The following NAA15 variants were observed in gnomAD, a reference collection of about 807,000 sequenced individuals.
The protein encoded by NAA15 is N-alpha-acetyltransferase 15, NatA auxiliary subunit, also known as N-terminal acetyltransferase.
A neutral mutation model predicts 114.0 loss-of-function variants in NAA15; 34 were observed. That is an observed-to-expected ratio of 0.30 (90% CI 0.23 to 0.40). The LOEUF is 0.40. Among genes scored for constraint, NAA15 ranks in the 10% least tolerant of loss-of-function variants. The pLI is 1.00. For synonymous variants in NAA15, 340 were observed against 338.0 expected, an observed-to-expected ratio of 1.01 and a Z score of -0.06; for missense variants, 658 against 1,004.5, an observed-to-expected ratio of 0.66 and a Z score of 4.66.
At chr4:139,371,517 A>G (rs1254329227) in intron 15 of NAA15, among the ~76,000 whole-genome samples, 1 of 149,284 alleles carries the variant, frequency 6.7e-6, no homozygotes, top group African/African-American at 2.5e-5. Context: ...ACACACACAC[A>G]CACACACACA....
chr4:139,380,206 A>C (rs1049573722), intron 17 of NAA15, among the ~76,000 whole-genome samples: 1 of 151,768 alleles, frequency 6.6e-6, no homozygotes, highest in Non-Finnish European at 1.5e-5. Flanking sequence ...ATATTGTAGA[A>C]AGTAAAGGAG....
chr4:139,303,195 TG>T (rs1451624628), intron 1 of NAA15, among the ~76,000 whole-genome samples: 1 of 152,224 alleles, frequency 6.6e-6, no homozygotes, highest in East Asian at 1.9e-4. Context: ...AAATTCTTAC[TG>T]GAATTTTGTT....
In NAA15 at chr4:139,385,019, C is replaced by G. The variant is rs373699126; in HGVS notation, c.2302+41C>G. The G allele has an allele frequency of 5.0e-6, 7 of 1,408,776 alleles. No individual in the cohort carries two copies. The East Asian group carries it at 1.5e-4, about 30-fold the overall frequency. 87.3% of individuals were successfully genotyped at this position (1,408,776 alleles called of 1,614,324 possible). A position where few individuals can be genotyped will look rare whatever the true frequency, so the allele number is the denominator to read the frequency against. Reference sequence around the variant, plus strand: ...TATCCTTAGCCTTCTAAAACAACTTCAGTAATTTTAATGAATCAACAATAA... The same window carrying G: ...TATCCTTAGCCTTCTAAAACAACTTGAGTAATTTTAATGAATCAACAATAA... On this transcript the variant is annotated intron_variant, in intron 18 of 19. Transcript: ENST00000296543.
intron 1 of NAA15, among the ~76,000 whole-genome samples, chr4:139,325,255 A>C (rs1258051793): frequency 6.6e-6 from 1 of 152,162 alleles, no homozygotes; most frequent in Non-Finnish European, 1.5e-5. Context: ...GTAACAGTTG[A>C]ATTTGTTGAT....
chr4:139,382,939 T>TG (rs1405327072), intron 17 of NAA15, among the ~76,000 whole-genome samples: 25 of 152,324 alleles, frequency 1.6e-4, no homozygotes, highest in African/African-American at 5.8e-4. Flanking sequence ...AGCAGGATAG[T>TG]GGGTCATTAC....
At chr4:139,357,306 A>T (rs568285973) in intron 10 of NAA15, 80 bp from the exon 11 acceptor site, 9 of 1,205,808 alleles carry the variant, frequency 7.5e-6, no homozygotes, top group Middle Eastern at 1.9e-4. Flanking sequence ...TCCCTTGTTA[A>T]TAAACATAGG....
rs559959826 is a variant in NAA15, at chr4:139,390,064, A to G, written c.*1980A>G. 4.6e-5 allele frequency: 7 copies of G among 152,768 alleles called. No individual in the cohort carries two copies. In the South Asian group the frequency reaches 1.4e-3, roughly 32 times the overall value. 9.5% of individuals were successfully genotyped at this position (152,768 alleles called of 1,614,324 possible). A position where few individuals can be genotyped will look rare whatever the true frequency, so the allele number is the denominator to read the frequency against. On this transcript the variant is annotated 3_prime_UTR_variant, in exon 20 of 20. Coordinates refer to ENST00000296543, the MANE Select transcript of NAA15 (RefSeq NM_057175.5). Reference sequence around the variant, plus strand: ...GAGGTGTTTGGAGGAGGTACCAGCCATATAATAGGGGGTGTATGTGTGAAT... The same window carrying G: ...GAGGTGTTTGGAGGAGGTACCAGCCGTATAATAGGGGGTGTATGTGTGAAT...
chr4:139,354,144 A>G, intron 10 of NAA15, 46 bp downstream of exon 10: 1 of 1,445,748 alleles, frequency 6.9e-7, no homozygotes, highest in Non-Finnish European at 9.7e-7. Flanking sequence ...GAAAATTTTA[A>G]TACATTGTGA....
At chr4:139,371,497 G>GCACGCGCACACA (rs1553998024) in intron 15 of NAA15, among the ~76,000 whole-genome samples, 1 of 113,664 alleles carries the variant, frequency 8.8e-6, no homozygotes, top group East Asian at 2.8e-4. Flanking sequence ...AAGAAAAGTA[G>GCACGCGCACACA]CACACACACA....
At position 139,343,022 on chromosome 4, in the gene NAA15, A is replaced by G. The variant is rs543329825; in HGVS notation, c.537+62A>G. On this transcript the variant is annotated intron_variant, in intron 5 of 19. Coordinates refer to ENST00000296543, the MANE Select transcript of NAA15 (RefSeq NM_057175.5). ...AAGTATAACTAAAAAAATAATGTGCATAGTCTGGCTTACTTTTAATTTTGA... is the reference window on the plus strand; with the variant it reads ...AAGTATAACTAAAAAAATAATGTGCGTAGTCTGGCTTACTTTTAATTTTGA... The G allele has an allele frequency of 3.6e-4, 522 of 1,431,668 alleles. 2 individuals are homozygous for G. Among genetic ancestry groups the G allele is most frequent in the Admixed American group, 4.3e-4 (21 of 49,150 alleles). The allele number at this position is 1,431,668 out of a possible 1,614,324, so 88.7% of individuals were successfully genotyped here.
At chr4:139,315,104 C>T (rs761700843) in intron 1 of NAA15, among the ~76,000 whole-genome samples, 39 of 142,376 alleles carry the variant, frequency 2.7e-4, no homozygotes, top group Non-Finnish European at 4.3e-4. Context: ...GCTCTTTCAC[C>T]CAGGCTGGAG....
intron 15 of NAA15, among the ~76,000 whole-genome samples, chr4:139,371,065 AGAC>A (rs1472344741): frequency 2.6e-5 from 4 of 152,210 alleles, no homozygotes; most frequent in African/African-American, 9.6e-5. Context: ...TTTTGACCCT[AGAC>A]ATCTTCCTGC....
At chr4:139,333,857 G>A (rs140503231) in intron 1 of NAA15, among the ~76,000 whole-genome samples, 3 of 152,048 alleles carry the variant, frequency 2.0e-5, no homozygotes, top group African/African-American at 7.2e-5. Flanking sequence ...CTGTCATCAC[G>A]CCACTGTGCC....
At chr4:139,347,959 G>A (rs1747642382) in intron 6 of NAA15, among the ~76,000 whole-genome samples, 2 of 149,996 alleles carry the variant, frequency 1.3e-5, no homozygotes, top group Admixed American at 6.6e-5. Flanking sequence ...GTGAACCCGG[G>A]AAGCGGAGCT....
intron 1 of NAA15, among the ~76,000 whole-genome samples, chr4:139,324,102 T>C (rs1292993516): frequency 6.6e-6 from 1 of 152,148 alleles, no homozygotes; most frequent in Non-Finnish European, 1.5e-5. Flanking sequence ...CAGGGTTGTC[T>C]GGAACTCCTG....
chr4:139,318,809 G>A (rs1746500832), intron 1 of NAA15, among the ~76,000 whole-genome samples: 1 of 151,348 alleles, frequency 6.6e-6, no homozygotes, highest in Admixed American at 6.6e-5. Context: ...AGCCAAGATC[G>A]CGCCACTGTA....
chr4:139,331,819 C>A (rs1349937961), intron 1 of NAA15, among the ~76,000 whole-genome samples: 2 of 151,948 alleles, frequency 1.3e-5, no homozygotes, highest in Non-Finnish European at 2.9e-5. Flanking sequence ...TATAACTATG[C>A]ATATATTGTT....
chr4:139,362,113 A>G (rs1243685786), intron 14 of NAA15, among the ~76,000 whole-genome samples, 176 bp downstream of exon 14: 1 of 152,242 alleles, frequency 6.6e-6, no homozygotes, highest in Non-Finnish European at 1.5e-5. Flanking sequence ...AAGTTAAACA[A>G]GAATTTAATT....
Position 139,336,880 on chromosome 4 carries a change from T to G in NAA15, c.172T>G (p.Cys58Gly). Residue 58 changes from cysteine (C) to glycine (G), a missense_variant, in exon 3 of 20, where the codon TGT (cysteine) becomes GGT (glycine). This residue lies in a region of NAA15 where 75 missense variants were observed against 172.3 expected (regional missense o/e 0.44). Coordinates refer to ENST00000296543, the MANE Select transcript of NAA15 (RefSeq NM_057175.5). Reference sequence around the variant, plus strand: ...GGCTATGAAAGGATTAACATTGAACTGTTTGGGGAAAAAGGAAGAAGCTTA... The same window carrying G: ...GGCTATGAAAGGATTAACATTGAACGGTTTGGGGAAAAAGGAAGAAGCTTA... Reference protein sequence around the residue: ...TLAMKGLTLNCLGKKEEAYEL... With the variant: ...TLAMKGLTLNGLGKKEEAYEL... The G allele has an allele frequency of 6.3e-7, 1 of 1,596,706 alleles. No homozygotes were observed. Among genetic ancestry groups the G allele is most frequent in the East Asian group, 2.3e-5 (1 of 43,908 alleles).
Sources: gnomAD v4.1 joint callset for allele counts (sites outside exome capture counted in the v4.1 genomes callset) on GRCh38, gnomAD v4.1.1 for gene constraint, gnomAD v4.1.1 regional missense constraint, MANE v1.5 for transcripts, NCBI Gene and HGNC (gene_info 2026-07-23, HGNC 2026-07-21) for gene names.